CAMK2D: variants seen among roughly 807,000 people sequenced by gnomAD.
CAMK2D encodes calcium/calmodulin-dependent protein kinase type II subunit delta.
In CAMK2D, 37 loss-of-function variants were observed where a neutral mutation model predicts 84.0. The observed-to-expected ratio is 0.44, with a 90% CI of 0.34 to 0.58. CAMK2D has a LOEUF of 0.58. Among genes scored for constraint, CAMK2D ranks in the 20% least tolerant of loss-of-function variants. CAMK2D has a pLI of 0.02. For synonymous variants in CAMK2D, 202 were observed against 212.5 expected (o/e 0.95, Z 0.43); for missense variants, 448 against 652.5 (o/e 0.69, Z 3.41).
chr4:113,485,717 T>C (rs2097759729), intron 16 of CAMK2D, among the ~76,000 whole-genome samples: 2 of 152,226 alleles, frequency 1.3e-5, no homozygotes, highest in Admixed American at 1.3e-4. Flanking sequence ...TCCTTGTCTA[T>C]GATGTATGCC....
chr4:113,618,131 T>G (rs995033918), intron 3 of CAMK2D, among the ~76,000 whole-genome samples: 8 of 152,166 alleles, frequency 5.3e-5, no homozygotes, highest in Non-Finnish European at 1.0e-4. Context: ...GTATAGGAAA[T>G]AAACAATACA....
At chr4:113,567,197 T>C (rs1265612271) in intron 4 of CAMK2D, among the ~76,000 whole-genome samples, 2 of 147,026 alleles carry the variant, frequency 1.4e-5, no homozygotes, top group Non-Finnish European at 3.0e-5. Context: ...AGATGGAGTC[T>C]CGCTCTGTCA....
intron 2 of CAMK2D, among the ~76,000 whole-genome samples, chr4:113,751,756 C>T (rs918689215): frequency 6.6e-6 from 1 of 151,754 alleles, no homozygotes; most frequent in Admixed American, 6.6e-5. Flanking sequence ...GGCGACAGAG[C>T]GAGACTCTGT....
chr4:113,494,575 G>T (rs1426073655), intron 16 of CAMK2D, among the ~76,000 whole-genome samples: 1 of 152,234 alleles, frequency 6.6e-6, no homozygotes, highest in Admixed American at 6.5e-5. Context: ...AGTCTGCAGA[G>T]ATTACTGCTG....
chr4:113,761,605 G>T lies in CAMK2D; in HGVS notation c.-537C>A. The T allele has an allele frequency of 2.0e-6, 2 of 985,124 alleles. No homozygotes were observed. Among genetic ancestry groups the T allele is most frequent in the Non-Finnish European group, 2.4e-6 (2 of 829,798 alleles). 61.0% of individuals were successfully genotyped at this position (985,124 alleles called of 1,614,324 possible). ...AGGCTCAGGCGCGGGGCGCGCCGGG[G>T]CTCCGACGAGCGTGCGCGCCCGAGG... On this transcript the variant is annotated 5_prime_UTR_variant, in exon 1 of 21. Transcript: ENST00000511664.
chr4:113,548,144 G>C (rs977341198), intron 5 of CAMK2D, among the ~76,000 whole-genome samples: 2 of 152,100 alleles, frequency 1.3e-5, no homozygotes, highest in African/African-American at 4.8e-5. Context: ...GCACCACTAA[G>C]GTTAAATTAA....
intron 16 of CAMK2D, among the ~76,000 whole-genome samples, chr4:113,495,714 G>A (rs779381282): frequency 1.3e-5 from 2 of 152,072 alleles, no homozygotes; most frequent in East Asian, 1.9e-4. Flanking sequence ...ATCAGGAAAA[G>A]TAAAAAGGAA....
intron 8 of CAMK2D, among the ~76,000 whole-genome samples, chr4:113,526,728 T>C (rs1437513633): frequency 2.0e-5 from 3 of 152,052 alleles, no homozygotes; most frequent in Non-Finnish European, 2.9e-5. Flanking sequence ...TATTCCAAAG[T>C]AATATTAAAA....
At chr4:113,705,326 CAAAAA>C (rs34325573) in intron 2 of CAMK2D, among the ~76,000 whole-genome samples, 1 of 91,132 alleles carries the variant, frequency 1.1e-5, no homozygotes, top group Admixed American at 1.3e-4. Context: ...GACTCCATCT[CAAAAA>C]AAAAAAAAAA....
chr4:113,749,555 T>C (rs2099612473), intron 2 of CAMK2D, among the ~76,000 whole-genome samples: 1 of 152,116 alleles, frequency 6.6e-6, no homozygotes. Context: ...TGTCAAAAAA[T>C]AAATGAAAAA....
chr4:113,704,263 A>C (rs945972022), intron 2 of CAMK2D, among the ~76,000 whole-genome samples: 1 of 152,166 alleles, frequency 6.6e-6, no homozygotes, highest in Non-Finnish European at 1.5e-5. Context: ...TTCTAGAATG[A>C]AAATAAGATA....
At chr4:113,656,958 T>C (rs2099203839) in intron 3 of CAMK2D, among the ~76,000 whole-genome samples, 1 of 152,150 alleles carries the variant, frequency 6.6e-6, no homozygotes, top group Non-Finnish European at 1.5e-5. Flanking sequence ...CCACCTTTGA[T>C]ATCTCATCAA....
Position 113,673,534 on chromosome 4 carries a change from TCA to T in CAMK2D, c.161-11764_161-11763del, listed in dbSNP as rs530674573. 2.8e-4 allele frequency among the ~76,000 whole-genome samples: 42 copies of T among 152,276 alleles called. 1 individual carries two copies. The Middle Eastern group carries it at 0.017, about 62-fold the overall frequency. ...CATCCAGCCAGGGGCGGCATGACTA[TCA>T]GAGGAACTATACCCAGAGGTCCCTA... On this transcript the variant is annotated intron_variant, in intron 2 of 20. Coordinates refer to ENST00000511664, the MANE Select transcript of CAMK2D (RefSeq NM_001321571.2).
At chr4:113,504,934 A>AT in intron 14 of CAMK2D, 42 bp downstream of exon 14, 1 of 1,121,290 alleles carries the variant, frequency 8.9e-7, no homozygotes, top group Non-Finnish European at 1.2e-6. Context: ...AAAAAAAAAA[A>AT]TGTAAAGAAC....
At chr4:113,587,622 T>C (rs2098839940) in intron 4 of CAMK2D, among the ~76,000 whole-genome samples, 1 of 152,160 alleles carries the variant, frequency 6.6e-6, no homozygotes, top group African/African-American at 2.4e-5. Context: ...TGAGAAATAG[T>C]TAATATTGAA....
At chr4:113,754,149 G>A (rs1034790051) in intron 2 of CAMK2D, 2 of 902,652 alleles carry the variant, frequency 2.2e-6, no homozygotes, top group Non-Finnish European at 2.6e-6. Context: ...ATGCATTGCA[G>A]TGTAGTTTAC....
intron 3 of CAMK2D, among the ~76,000 whole-genome samples, chr4:113,657,771 T>A (rs940629649): frequency 6.6e-6 from 1 of 152,122 alleles, no homozygotes; most frequent in Non-Finnish European, 1.5e-5. Context: ...ATTGATTCTG[T>A]GCCAAGAGAA....
intron 6 of CAMK2D, among the ~76,000 whole-genome samples, chr4:113,544,590 T>C (rs1560855539): frequency 1.3e-5 from 2 of 152,352 alleles, no homozygotes; most frequent in Non-Finnish European, 2.9e-5. Context: ...CTCATAAAGT[T>C]GTTCTGAAGA....
chr4:113,679,455 T>C, intron 2 of CAMK2D: 1 of 979,618 alleles, frequency 1.0e-6, no homozygotes, highest in Non-Finnish European at 1.2e-6. Context: ...ATGTCCATCA[T>C]ATATTCCAGC....
Sources: allele counts gnomAD v4.1 joint callset (sites outside exome capture counted in the v4.1 genomes callset), GRCh38; gene constraint gnomAD v4.1.1; transcripts MANE v1.5; gene names NCBI Gene and HGNC (gene_info 2026-07-23, HGNC 2026-07-21).